The following GTF2IRD1 variants were observed in gnomAD, a reference collection of about 807,000 sequenced individuals.
The protein encoded by GTF2IRD1 is general transcription factor II-I repeat domain-containing protein 1.
GTF2IRD1 carries 26 observed loss-of-function variants against 113.2 expected under a neutral mutation model. The observed-to-expected ratio is 0.23, with a 90% CI of 0.17 to 0.32. GTF2IRD1 has a LOEUF of 0.32. Ranked by LOEUF, GTF2IRD1 falls within the 10% of genes least tolerant of loss-of-function variation. GTF2IRD1 has a pLI of 1.00. For missense variants in GTF2IRD1, 864 were observed against 1,280.8 expected (o/e 0.67, Z 4.97); for synonymous variants, 484 against 529.1 (o/e 0.91, Z 1.17).
At chr7:74,573,447 C>T (rs1350958466) in intron 22 of GTF2IRD1, among the ~76,000 whole-genome samples, 4 of 151,944 alleles carry the variant, frequency 2.6e-5, no homozygotes, top group South Asian at 2.1e-4. Context: ...AGGGGCTTTC[C>T]GGACCCGAAA....
Position 74,545,775 on chromosome 7 carries a change from G to GAAGC in GTF2IRD1, c.1700_1703dup (p.Val569AlafsTer41). On this transcript the variant is annotated frameshift_variant, in exon 16 of 27. Transcript: ENST00000424337. LOFTEE classifies it high-confidence loss of function. The stretch of plus-strand genomic sequence containing the variant: ...ACGGTGACGTGATCCGGCCCCTGCG[G>GAAGC]AAGCAGGTGGAGCTGCTCTTCAACA... 6.2e-7 allele frequency: 1 copy of GAAGC among 1,613,304 alleles called. No individual in the cohort carries two copies. The highest frequency in any genetic ancestry group is 8.5e-7 in the Non-Finnish European group (1 of 1,179,806).
At chr7:74,587,677 G>A (rs1266296534) in intron 22 of GTF2IRD1, among the ~76,000 whole-genome samples, 14 of 151,890 alleles carry the variant, frequency 9.2e-5, no homozygotes, top group African/African-American at 2.2e-4. Flanking sequence ...TCCCAGCCCC[G>A]TCCTCAACCC....
chr7:74,580,812 T>C (rs1420841524), intron 22 of GTF2IRD1, among the ~76,000 whole-genome samples: 13 of 152,140 alleles, frequency 8.5e-5, no homozygotes, highest in Non-Finnish European at 1.9e-4. Flanking sequence ...AGCAGGACTT[T>C]CTGCACAGCA....
chr7:74,513,580 C>T (rs1398173411), intron 3 of GTF2IRD1, among the ~76,000 whole-genome samples: 1 of 152,212 alleles, frequency 6.6e-6, no homozygotes, highest in Non-Finnish European at 1.5e-5. Context: ...GCTGGGATTA[C>T]AGATGTGAGC....
At chr7:74,488,977 A>C (rs1245367599) in intron 1 of GTF2IRD1, among the ~76,000 whole-genome samples, 1 of 151,868 alleles carries the variant, frequency 6.6e-6, no homozygotes, top group Non-Finnish European at 1.5e-5. Flanking sequence ...CCCCGTCTCT[A>C]CTAAAAATAC....
intron 1 of GTF2IRD1, among the ~76,000 whole-genome samples, chr7:74,468,701 TGTG>T (rs1793898449): frequency 2.0e-5 from 3 of 147,712 alleles, no homozygotes; most frequent in Middle Eastern, 7.4e-3. Context: ...TGTGTGTGTG[TGTG>T]TGTGTGTGTG....
chr7:74,547,438 CCTT>C, intron 17 of GTF2IRD1, 152 bp downstream of exon 17: 2 of 499,378 alleles, frequency 4.0e-6, no homozygotes, highest in Non-Finnish European at 6.8e-6. Context: ...CCATGCCCAG[CCTT>C]TTTTTTTTTT....
chr7:74,575,372 G>C (rs1395871196), intron 22 of GTF2IRD1, among the ~76,000 whole-genome samples: 2 of 152,172 alleles, frequency 1.3e-5, no homozygotes, highest in African/African-American at 4.8e-5. Context: ...AGATGAGATG[G>C]AGATGGACAG....
intron 1 of GTF2IRD1, among the ~76,000 whole-genome samples, chr7:74,470,447 C>T (rs1214649943): frequency 3.3e-5 from 5 of 152,136 alleles, no homozygotes; most frequent in Non-Finnish European, 4.4e-5. Context: ...ACTCCAGCCC[C>T]TGGTAATTGC....
chr7:74,503,603 G>C (rs1366714770), intron 1 of GTF2IRD1, among the ~76,000 whole-genome samples: 1 of 152,154 alleles, frequency 6.6e-6, no homozygotes, highest in South Asian at 2.1e-4. Flanking sequence ...ACAAACATTA[G>C]CCAGGCGTGG....
intron 1 of GTF2IRD1, among the ~76,000 whole-genome samples, chr7:74,472,109 C>A (rs1245489309): frequency 1.3e-5 from 2 of 152,210 alleles, no homozygotes; most frequent in Non-Finnish European, 2.9e-5. Context: ...CTGGAACTGG[C>A]CTTTCCAGAG....
chr7:74,559,682 C>T (rs1799831402), intron 22 of GTF2IRD1, 27 bp downstream of exon 22: 1 of 1,579,084 alleles, frequency 6.3e-7, no homozygotes, highest in Non-Finnish European at 8.6e-7. Flanking sequence ...GTGGAGGGGG[C>T]ACTGGGAATA....
chr7:74,584,983 G>C (rs1275623785), intron 22 of GTF2IRD1, among the ~76,000 whole-genome samples: 2 of 151,972 alleles, frequency 1.3e-5, no homozygotes, highest in African/African-American at 4.8e-5. Flanking sequence ...TGTACTTTTA[G>C]TTGAGACGGG....
chr7:74,460,917 C>A (rs1793320737), intron 1 of GTF2IRD1, among the ~76,000 whole-genome samples: 1 of 152,162 alleles, frequency 6.6e-6, no homozygotes. Context: ...TGCACCTTTG[C>A]CATGCTGCCA....
chr7:74,505,529 G>T (rs537511097), intron 1 of GTF2IRD1, among the ~76,000 whole-genome samples: 1 of 152,278 alleles, frequency 6.6e-6, no homozygotes, highest in Non-Finnish European at 1.5e-5. Flanking sequence ...GGAGTCCCTG[G>T]TTCCTTCCTA....
chr7:74,530,297 G>T (rs1300972182), intron 9 of GTF2IRD1, among the ~76,000 whole-genome samples: 1 of 152,070 alleles, frequency 6.6e-6, no homozygotes, highest in Non-Finnish European at 1.5e-5. Flanking sequence ...TGTGGGCTAA[G>T]CAGGGGCCTG....
At chr7:74,591,039 C>T (rs372469293) in intron 24 of GTF2IRD1, 22 bp downstream of exon 24, 30 of 1,578,136 alleles carry the variant, frequency 1.9e-5, no homozygotes, top group Middle Eastern at 2.2e-4. Context: ...GCCTCTGGAA[C>T]GGGGAACAGA....
rs992157181 is a variant in GTF2IRD1, at chr7:74,531,109, G to A, written c.1274+1192G>A. 3.3e-5 allele frequency among the ~76,000 whole-genome samples: 5 copies of A among 151,974 alleles called. No individual in the cohort carries two copies. In the East Asian group the frequency reaches 9.7e-4, roughly 29 times the overall value. The stretch of plus-strand genomic sequence containing the variant: ...GGCCAGGCATGGTGGCCTGGATTAC[G>A]CCTGTAATCCCAGCACTTTGGGAGG... On this transcript the variant is annotated intron_variant, in intron 9 of 26. Transcript: ENST00000424337.
At chr7:74,536,428 C>T (rs1798302680) in intron 11 of GTF2IRD1, among the ~76,000 whole-genome samples, 153 bp downstream of exon 11, 1 of 152,212 alleles carries the variant, frequency 6.6e-6, no homozygotes, top group South Asian at 2.1e-4. Context: ...ACTCCACCTA[C>T]TTCCCTCTGC....
Sources: gnomAD v4.1 joint callset for allele counts (sites outside exome capture counted in the v4.1 genomes callset) on GRCh38, gnomAD v4.1.1 for gene constraint, MANE v1.5 for transcripts, NCBI Gene and HGNC (gene_info 2026-07-23, HGNC 2026-07-21) for gene names.